Variants in AP1G1 observed in about 807,000 individuals in gnomAD.
AP1G1 encodes the protein adaptor related protein complex 1 subunit gamma 1, also known as AP-1 complex subunit gamma-1.
In AP1G1, 7 loss-of-function variants were observed where a neutral mutation model predicts 108.3. That is an observed-to-expected ratio of 0.06 (90% CI 0.04 to 0.12). AP1G1 has a LOEUF of 0.12. AP1G1 is among the 10% of genes least tolerant of loss of function. AP1G1 has a pLI of 1.00. For missense variants in AP1G1, 756 were observed against 1,010.7 expected (o/e 0.75, Z 3.42); for synonymous variants, 379 against 353.5 (o/e 1.07, Z -0.81).
chr16:71,734,518 T>C lies in AP1G1; in HGVS notation c.2367+91A>G. 2.8e-6 allele frequency: 3 copies of C among 1,060,170 alleles called. No individual in the cohort carries two copies. In the Admixed American group the frequency reaches 5.3e-5, roughly 19 times the overall value. The allele number at this position is 1,060,170 out of a possible 1,614,324, so 65.7% of individuals were successfully genotyped here. A position where few individuals can be genotyped will look rare whatever the true frequency, so the allele number is the denominator to read the frequency against. On this transcript the variant is annotated intron_variant, in intron 22 of 22. Transcript: ENST00000299980. ...CATTGATCTCTTCTCTAACTATGAG[T>C]CAGAAAAACCTAAAGAAACAAAGCA...
At chr16:71,787,939 A>T (rs972370849) in intron 2 of AP1G1, among the ~76,000 whole-genome samples, 3 of 152,240 alleles carry the variant, frequency 2.0e-5, no homozygotes, top group African/African-American at 7.2e-5. Context: ...GACTATATTG[A>T]TGACCCAGCA....
chr16:71,734,692 G>C lies in AP1G1; in HGVS notation c.2284C>G (p.Leu762Val). Reference sequence around the variant, plus strand: ...ACAATGCTGCTGCTAGGAGACAAGAGCTGCAGCTGGAATGTCTAGGGGGGA... The same window carrying C: ...ACAATGCTGCTGCTAGGAGACAAGACCTGCAGCTGGAATGTCTAGGGGGGA... Reference protein sequence around the residue: ...AAVPKTFQLQLLSPSSSIVPA... With the variant: ...AAVPKTFQLQVLSPSSSIVPA... Residue 762 changes from leucine to valine, a missense_variant, in exon 22 of 23, where the codon CTC (leucine) becomes GTC (valine). This residue lies in a region of AP1G1 where 95 missense variants were observed against 160.5 expected (regional missense o/e 0.59). Transcript: ENST00000299980. 6.2e-7 allele frequency: 1 copy of C among 1,613,872 alleles called. No individual in the cohort carries two copies.
chr16:71,787,432 A>C (rs1392911279), intron 2 of AP1G1, among the ~76,000 whole-genome samples: 1 of 152,064 alleles, frequency 6.6e-6, no homozygotes, highest in Non-Finnish European at 1.5e-5. Flanking sequence ...TTGAGGTGAC[A>C]GTGAGCCATC....
intron 11 of AP1G1, among the ~76,000 whole-genome samples, chr16:71,758,191 C>T (rs2030897108): frequency 6.6e-6 from 1 of 152,188 alleles, no homozygotes; most frequent in Non-Finnish European, 1.5e-5. Context: ...TTTGAACATA[C>T]AACCAAAAGT....
rs991939518 is a variant in AP1G1, at chr16:71,748,323, G to T, written c.1553C>A (p.Ser518Tyr). The change falls in exon 16 of 23, where the codon TCC becomes TAC. Residue 518 changes from serine to tyrosine, a missense_variant. This residue lies in a region of AP1G1 where 357 missense variants were observed against 366.5 expected (regional missense o/e 0.97). Transcript: ENST00000299980. ...ILESVLISNM[S>Y]TSVTRGYALT... is the part of the protein sequence containing the mutation. ...GGCATAACCTCGTGTCACAGAGGTG[G>T]ACATATTAGAGATTAGGACACTTTC... 6.2e-7 allele frequency: 1 copy of T among 1,613,312 alleles called. No homozygotes were observed. Among genetic ancestry groups the T allele is most frequent in the Non-Finnish European group, 8.5e-7 (1 of 1,179,328 alleles).
chr16:71,755,041 T>C (rs535702625), intron 12 of AP1G1, among the ~76,000 whole-genome samples: 3 of 152,170 alleles, frequency 2.0e-5, no homozygotes, highest in East Asian at 1.9e-4. Flanking sequence ...AGAGAAAGAA[T>C]AGCTGTACTA....
chr16:71,768,965 T>TAAAAAAAAAAAAACAAAAAAAAAAA (rs11374038), intron 6 of AP1G1, among the ~76,000 whole-genome samples: 1 of 71,764 alleles, frequency 1.4e-5, no homozygotes, highest in Non-Finnish European at 2.3e-5. Flanking sequence ...TTCCTGCCTT[T>TAAAAAAAAAAAAACAAAAAAAAAAA]AAAAAAAAAA....
intron 1 of AP1G1, among the ~76,000 whole-genome samples, chr16:71,799,948 C>A (rs992644068): frequency 6.6e-6 from 1 of 151,058 alleles, no homozygotes; most frequent in African/African-American, 2.4e-5. Context: ...TGGCTGGGTG[C>A]GGTGGCTCAC....
At chr16:71,763,708 A>G (rs1387609470) in intron 9 of AP1G1, among the ~76,000 whole-genome samples, 3 of 152,332 alleles carry the variant, frequency 2.0e-5, no homozygotes, top group East Asian at 1.9e-4. Context: ...ACTAGATACT[A>G]TAATGCTACC....
chr16:71,748,397 A>G lies in AP1G1; in HGVS notation c.1498-19T>C. On this transcript the variant is annotated intron_variant, in intron 15 of 22. Transcript: ENST00000299980. Reference sequence around the variant, plus strand: ...CTGTTACCTGAGGAGGAGGAGGAAAAAGAAGACGATGAAGAATGAGTAGCA... The same window carrying G: ...CTGTTACCTGAGGAGGAGGAGGAAAGAGAAGACGATGAAGAATGAGTAGCA... The G allele has an allele frequency of 1.2e-6, 2 of 1,606,314 alleles. No individual in the cohort carries two copies. The highest frequency in any genetic ancestry group is 1.7e-6 in the Non-Finnish European group (2 of 1,177,964).
intron 19 of AP1G1, among the ~76,000 whole-genome samples, chr16:71,741,273 C>T (rs2045617222): frequency 1.3e-5 from 2 of 152,004 alleles, no homozygotes; most frequent in African/African-American, 2.4e-5. Flanking sequence ...AAAAAAGATA[C>T]TAAAGAATAC....
chr16:71,751,778 T>C (rs1010217722), intron 13 of AP1G1, among the ~76,000 whole-genome samples: 2 of 152,140 alleles, frequency 1.3e-5, no homozygotes, highest in Non-Finnish European at 2.9e-5. Context: ...ATAAAAAATA[T>C]CTTAACAAAT....
intron 11 of AP1G1, 138 bp downstream of exon 11, chr16:71,758,670 A>T: frequency 1.6e-6 from 1 of 625,204 alleles, no homozygotes; most frequent in Non-Finnish European, 2.9e-6. Flanking sequence ...CCATCTGTGA[A>T]CACAATGACT....
In AP1G1 at chr16:71,745,435, G is replaced by T. The variant is rs367771001; in HGVS notation, c.1872+38C>A. 5.6e-6 allele frequency: 9 copies of T among 1,613,578 alleles called. No individual in the cohort carries two copies. The Admixed American group carries it at 6.7e-5, about 12-fold the overall frequency. ...ACAAGCTGTAAGGGACTATAAAATCGTAAGAAGCCCCAGATGAGCAAGTGA... is the reference window on the plus strand; with the variant it reads ...ACAAGCTGTAAGGGACTATAAAATCTTAAGAAGCCCCAGATGAGCAAGTGA... On this transcript the variant is annotated intron_variant, in intron 18 of 22. Transcript: ENST00000299980.
At chr16:71,788,564 CAACCACCTAATT>C (rs2032289977) in intron 2 of AP1G1, among the ~76,000 whole-genome samples, 1 of 152,068 alleles carries the variant, frequency 6.6e-6, no homozygotes, top group Non-Finnish European at 1.5e-5. Context: ...CACCAATTGG[CAACCACCTAATT>C]TCCTTAACTG....
chr16:71,780,839 G>C (rs1160437795), intron 2 of AP1G1, among the ~76,000 whole-genome samples: 1 of 145,798 alleles, frequency 6.9e-6, no homozygotes, highest in Non-Finnish European at 1.5e-5. Context: ...TTTTTTTTGA[G>C]CTGGAGTCTC....
intron 16 of AP1G1, among the ~76,000 whole-genome samples, chr16:71,747,815 C>T (rs1029981987): frequency 1.3e-5 from 2 of 151,960 alleles, no homozygotes; most frequent in African/African-American, 4.8e-5. Flanking sequence ...AACACTTTCT[C>T]TACAAAAAAA....
chr16:71,769,565 T>C (rs1489449555), intron 6 of AP1G1, 58 bp downstream of exon 6: 2 of 1,484,796 alleles, frequency 1.3e-6, no homozygotes, highest in Admixed American at 1.7e-5. Flanking sequence ...AATCATGTAC[T>C]TTTCAGGAAA....
rs1030318329 is a variant in AP1G1 at position 71,802,692 on chromosome 16, T to C, written c.-4+6071A>G. On this transcript the variant is annotated intron_variant, in intron 1 of 22. Transcript: ENST00000299980. ...TTGAGGTGAGCCGAGATCGCACCACTGCACTCCAGCCTGGGTGACAGAGCA... is the reference window on the plus strand; with the variant it reads ...TTGAGGTGAGCCGAGATCGCACCACCGCACTCCAGCCTGGGTGACAGAGCA... 2.0e-5 allele frequency among the ~76,000 whole-genome samples: 3 copies of C among 151,760 alleles called. No individual in the cohort carries two copies. The East Asian group carries it at 5.9e-4, about 30-fold the overall frequency.
Sources: allele counts gnomAD v4.1 joint callset (sites outside exome capture counted in the v4.1 genomes callset), GRCh38; gene constraint gnomAD v4.1.1; regional missense constraint gnomAD v4.1.1; transcripts MANE v1.5; gene names NCBI Gene and HGNC (gene_info 2026-07-23, HGNC 2026-07-21).